Variants in VPS13A observed in about 807,000 individuals in gnomAD.
VPS13A encodes the protein vacuolar protein sorting 13 homolog A, also known as intermembrane lipid transfer protein VPS13A.
A neutral mutation model predicts 390.9 loss-of-function variants in VPS13A; 264 were observed. The observed-to-expected ratio is 0.68, with a 90% CI of 0.61 to 0.75. The LOEUF is 0.75. Ranked by LOEUF, VPS13A falls within the 30% of genes least tolerant of loss-of-function variation. VPS13A has a pLI of 0.00. For synonymous variants in VPS13A, 1,231 were observed against 1,227.1 expected, an observed-to-expected ratio of 1.00 and a Z score of -0.07; for missense variants, 3,409 against 3,733.9, an observed-to-expected ratio of 0.91 and a Z score of 2.27.
intron 59 of VPS13A, among the ~76,000 whole-genome samples, chr9:77,363,870 C>G (rs1054224445): frequency 6.6e-6 from 1 of 152,142 alleles, no homozygotes; most frequent in East Asian, 1.9e-4. Context: ...TCCCCATCAG[C>G]AAAAATCCCT....
At chr9:77,354,770 C>G (rs2131549291) in intron 54 of VPS13A, among the ~76,000 whole-genome samples, 1 of 152,122 alleles carries the variant, frequency 6.6e-6, no homozygotes, top group South Asian at 2.1e-4. Flanking sequence ...AAAATTGAAC[C>G]CATCAAAAGC....
intron 31 of VPS13A, 61 bp downstream of exon 31, chr9:77,283,711 G>A: frequency 2.3e-6 from 3 of 1,308,314 alleles, no homozygotes; most frequent in Non-Finnish European, 3.2e-6. Context: ...TTTAAGAGTG[G>A]TCATAGGTAT....
At chr9:77,403,777 G>T (rs746131273) in intron 69 of VPS13A, among the ~76,000 whole-genome samples, 1 of 152,148 alleles carries the variant, frequency 6.6e-6, no homozygotes, top group Non-Finnish European at 1.5e-5. Context: ...ACAGTGGAGG[G>T]GTACATGTAA....
intron 71 of VPS13A, among the ~76,000 whole-genome samples, chr9:77,413,715 G>A (rs575512072): frequency 6.6e-6 from 1 of 152,190 alleles, no homozygotes; most frequent in South Asian, 2.1e-4. Context: ...CAAAAGCAAT[G>A]GCAACAAAAG....
At chr9:77,306,495 A>G (rs546845394) in intron 34 of VPS13A, among the ~76,000 whole-genome samples, 1 of 151,312 alleles carries the variant, frequency 6.6e-6, no homozygotes, top group South Asian at 2.1e-4. Context: ...ATTGGTGTAC[A>G]TGATTGCGGA....
chr9:77,323,499 T>C (rs1047916183), intron 45 of VPS13A, among the ~76,000 whole-genome samples: 1 of 152,108 alleles, frequency 6.6e-6, no homozygotes, highest in South Asian at 2.1e-4. Flanking sequence ...AGTGTTTTGC[T>C]TTAGGTCTTT....
At chr9:77,400,826 T>TG (rs778116428) in intron 68 of VPS13A, among the ~76,000 whole-genome samples, 356 of 72,018 alleles carry the variant, frequency 4.9e-3, no homozygotes, top group Non-Finnish European at 4.8e-3. Context: ...AGACTCTGTC[T>TG]GAAAAAAAAA....
chr9:77,276,328 T>C, intron 26 of VPS13A, 107 bp downstream of exon 26: 1 of 1,050,528 alleles, frequency 9.5e-7, no homozygotes, highest in Non-Finnish European at 1.3e-6. Context: ...TGCTGAAATA[T>C]TCTCAGAGAA....
intron 16 of VPS13A, 92 bp from the exon 17 acceptor site, chr9:77,228,030 T>G (rs1487177948): frequency 1.0e-6 from 1 of 963,814 alleles, no homozygotes; most frequent in East Asian, 3.0e-5. Context: ...TTAAAATATT[T>G]GGTGGTTTTT....
intron 13 of VPS13A, among the ~76,000 whole-genome samples, chr9:77,224,214 T>A (rs1276025977): frequency 6.6e-6 from 1 of 152,204 alleles, no homozygotes; most frequent in Non-Finnish European, 1.5e-5. Context: ...AAGAGATGAA[T>A]GTTGTTTTCA....
At chr9:77,267,178 T>C (rs1199647525) in intron 23 of VPS13A, among the ~76,000 whole-genome samples, 2 of 152,132 alleles carry the variant, frequency 1.3e-5, no homozygotes, top group Non-Finnish European at 2.9e-5. Flanking sequence ...TTCTGCAAAC[T>C]CATTCTCCAT....
chr9:77,229,745 T>C (rs1410615937), intron 17 of VPS13A, among the ~76,000 whole-genome samples: 1 of 152,172 alleles, frequency 6.6e-6, no homozygotes. Flanking sequence ...ATGAGTAATA[T>C]TTTGTTTGGA....
chr9:77,415,990 C>G lies in VPS13A; in HGVS notation c.9509C>G (p.Pro3170Arg). 1 of 1,613,494 alleles carries G rather than the reference C, an allele frequency of 6.2e-7. No homozygotes were observed. The change falls in exon 72 of 72, where the codon CCT becomes CGT. Residue 3170 changes from proline (P) to arginine (R), a missense_variant. Physicochemically the swap from Pro to Arg is moderately radical, Grantham distance 103 (BLOSUM62 -2). This residue lies in a region of VPS13A where 318 missense variants were observed against 333.7 expected (regional missense o/e 0.95). Transcript: ENST00000360280. ...ILTKLQEARE[P>R]SPSL is the part of the protein sequence containing the mutation. ...ACAAAGCTACAAGAAGCAAGAGAAC[C>G]TTCTCCGAGCCTCTGACAGAGAACA...
intron 31 of VPS13A, among the ~76,000 whole-genome samples, chr9:77,289,173 C>T (rs1487181605): frequency 6.6e-6 from 1 of 152,150 alleles, no homozygotes; most frequent in Admixed American, 6.5e-5. Flanking sequence ...TTTAAGCTCG[C>T]CTCAGCCTAA....
Position 77,260,239 on chromosome 9 carries a change from A to C in VPS13A, c.2427+15A>C. ...AATCATTCCAGGTAATGTTACTTTC[A>C]AAATTAATATAAGCATGAATTAAGA... On this transcript the variant is annotated intron_variant, in intron 23 of 71. Coordinates refer to ENST00000360280, the MANE Select transcript of VPS13A (RefSeq NM_033305.3). 1 of 1,611,318 alleles carries C rather than the reference A, an allele frequency of 6.2e-7. No homozygotes were observed. Among genetic ancestry groups the C allele is most frequent in the Non-Finnish European group, 8.5e-7 (1 of 1,178,236 alleles).
At chr9:77,343,630 G>T (rs928090115) in intron 50 of VPS13A, among the ~76,000 whole-genome samples, 3 of 151,998 alleles carry the variant, frequency 2.0e-5, no homozygotes, top group African/African-American at 7.3e-5. Context: ...AAGTTATTTC[G>T]TACAATTCTG....
chr9:77,366,253 C>A (rs1011074794), intron 60 of VPS13A, among the ~76,000 whole-genome samples: 2 of 152,018 alleles, frequency 1.3e-5, no homozygotes, highest in Admixed American at 6.6e-5. Flanking sequence ...TCATCTAACA[C>A]AATGCCTATT....
chr9:77,236,751 A>G (rs1259655563), intron 17 of VPS13A, among the ~76,000 whole-genome samples: 2 of 152,266 alleles, frequency 1.3e-5, no homozygotes, highest in Non-Finnish European at 2.9e-5. Flanking sequence ...GCAGACAGAC[A>G]TAAAGAGGAG....
At chr9:77,192,840 G>A (rs1824762709) in intron 1 of VPS13A, among the ~76,000 whole-genome samples, 2 of 152,174 alleles carry the variant, frequency 1.3e-5, no homozygotes, top group South Asian at 4.2e-4. Context: ...ATCTTGTATA[G>A]TATCTTGCAG....
Sources: allele counts gnomAD v4.1 joint callset (sites outside exome capture counted in the v4.1 genomes callset), GRCh38; gene constraint gnomAD v4.1.1; regional missense constraint gnomAD v4.1.1; transcripts MANE v1.5; gene names NCBI Gene and HGNC (gene_info 2026-07-23, HGNC 2026-07-21).